The following TSPAN9 variants were observed in gnomAD, a reference collection of about 807,000 sequenced individuals.
The protein encoded by TSPAN9 is tetraspanin 9.
Under a neutral mutation model 31.0 loss-of-function variants are expected in TSPAN9, and 16 were observed. The ratio of observed to expected loss-of-function variants is 0.52; its 90% CI spans 0.35 to 0.78. TSPAN9 has a LOEUF of 0.78. TSPAN9 is among the 30% of genes least tolerant of loss of function. TSPAN9 has a pLI of 0.01. For missense variants in TSPAN9, 272 were observed against 312.5 expected, an observed-to-expected ratio of 0.87 and a Z score of 0.98; for synonymous variants, 145 against 121.6, an observed-to-expected ratio of 1.19 and a Z score of -1.27.
chr12:3,236,798 A>G (rs2098394003), intron 3 of TSPAN9, among the ~76,000 whole-genome samples: 1 of 152,092 alleles, frequency 6.6e-6, no homozygotes, highest in South Asian at 2.1e-4. Flanking sequence ...GAGGGTGGGT[A>G]GTGACGTACA....
intron 3 of TSPAN9, among the ~76,000 whole-genome samples, chr12:3,244,039 C>T (rs539001594): frequency 6.2e-4 from 95 of 152,332 alleles, no homozygotes; most frequent in Middle Eastern, 6.8e-3. Flanking sequence ...TCAGCTTGCC[C>T]GTTGGGACTG....
chr12:3,216,181 G>C (rs535585057), intron 3 of TSPAN9, among the ~76,000 whole-genome samples: 37 of 152,310 alleles, frequency 2.4e-4, no homozygotes, highest in African/African-American at 8.7e-4. Context: ...GAGCTGGGGA[G>C]TCTGTGCTGT....
intron 2 of TSPAN9, among the ~76,000 whole-genome samples, chr12:3,188,052 G>T (rs1322432474): frequency 6.6e-6 from 1 of 152,132 alleles, no homozygotes; most frequent in African/African-American, 2.4e-5. Context: ...ATCAGCATAG[G>T]TGTCTCGCTT....
In TSPAN9 at chr12:3,179,891, C is replaced by T. The variant is rs1176169545; in HGVS notation, c.-17-21286C>T. On this transcript the variant is annotated intron_variant, in intron 2 of 8. Transcript: ENST00000011898. ...ACAAGACGTGCACCGTCTCTTCTCA[C>T]GGTACACGTAACGTTTTGGCACATC... Among the ~76,000 whole-genome samples the T allele has an allele frequency of 3.9e-5, 6 of 152,178 alleles. No individual in the cohort carries two copies. The South Asian group carries it at 6.2e-4, about 16-fold the overall frequency.
At chr12:3,190,523 T>G (rs1299153844) in intron 2 of TSPAN9, among the ~76,000 whole-genome samples, 2 of 152,188 alleles carry the variant, frequency 1.3e-5, no homozygotes, top group Non-Finnish European at 2.9e-5. Flanking sequence ...TCCAGGCCCT[T>G]TTGAGGATCT....
intron 3 of TSPAN9, among the ~76,000 whole-genome samples, chr12:3,251,690 C>A (rs1027475448): frequency 6.6e-6 from 1 of 152,170 alleles, no homozygotes; most frequent in African/African-American, 2.4e-5. Context: ...ACACACAGGA[C>A]GGTGGGTTCC....
At chr12:3,095,445 G>T (rs1218293737) in intron 2 of TSPAN9, among the ~76,000 whole-genome samples, 1 of 146,268 alleles carries the variant, frequency 6.8e-6, no homozygotes, top group African/African-American at 2.6e-5. Flanking sequence ...CAGTAGGGGC[G>T]GCCGGGCAGA....
At chr12:3,251,828 G>A (rs1207719291) in intron 3 of TSPAN9, among the ~76,000 whole-genome samples, 1 of 152,166 alleles carries the variant, frequency 6.6e-6, no homozygotes, top group Non-Finnish European at 1.5e-5. Flanking sequence ...TGCTGGAAAG[G>A]GGACCCGGCT....
intron 3 of TSPAN9, among the ~76,000 whole-genome samples, chr12:3,268,160 ATTCCTGCAGCCTACCCTCCGTGCG>A (rs1862573351): frequency 3.8e-5 from 5 of 130,194 alleles, no homozygotes; most frequent in East Asian, 5.1e-4. Context: ...CCCTCCGTGC[ATTCCTGCAGCCTACCCTCCGTGCG>A]TTCCTGCAGC....
chr12:3,095,740 C>T (rs1163868914), intron 2 of TSPAN9, among the ~76,000 whole-genome samples: 4 of 150,280 alleles, frequency 2.7e-5, no homozygotes, highest in Non-Finnish European at 4.4e-5. Flanking sequence ...AGACGATGGG[C>T]GGCCGGGCAG....
rs1029252499 is a variant in TSPAN9 at position 3,147,045 on chromosome 12, C to T, written c.-17-54132C>T. ...AAATGGGTAGATGTAAGTGAAAGTT[C>T]ATTGTTGGTACCTTGATTTTAAGGT... On this transcript the variant is annotated intron_variant, in intron 2 of 8. Transcript: ENST00000011898. This position sits in a 1 kb window ranked among gnomAD's most constrained non-coding sequence, Gnocchi z 4.3. Among the ~76,000 whole-genome samples, 1 of 152,092 alleles carries T rather than the reference C, an allele frequency of 6.6e-6. No homozygotes were observed. The highest frequency in any genetic ancestry group is 1.5e-5 in the Non-Finnish European group (1 of 68,026).
intron 2 of TSPAN9, among the ~76,000 whole-genome samples, chr12:3,171,179 A>G (rs992622851): frequency 3.3e-5 from 5 of 151,410 alleles, no homozygotes; most frequent in African/African-American, 1.2e-4. Flanking sequence ...GCCCAGTCCT[A>G]TCTTCCTTAT....
chr12:3,215,531 T>C (rs2098380943), intron 3 of TSPAN9, among the ~76,000 whole-genome samples: 2 of 152,198 alleles, frequency 1.3e-5, no homozygotes, highest in Non-Finnish European at 2.9e-5. Flanking sequence ...GTTCTCTGTA[T>C]CTATTTCCAT....
chr12:3,218,361 C>G (rs979631041), intron 3 of TSPAN9, among the ~76,000 whole-genome samples: 2 of 152,184 alleles, frequency 1.3e-5, no homozygotes, highest in South Asian at 2.1e-4. Flanking sequence ...TTAGGATGCT[C>G]CCTTGAGACT....
At chr12:3,126,614 G>A (rs2098327485) in intron 2 of TSPAN9, among the ~76,000 whole-genome samples, 1 of 152,158 alleles carries the variant, frequency 6.6e-6, no homozygotes, top group Admixed American at 6.5e-5. Context: ...TAATTTATAA[G>A]GACAGAGATT....
At chr12:3,179,149 T>C (rs1021554822) in intron 2 of TSPAN9, among the ~76,000 whole-genome samples, 1 of 152,140 alleles carries the variant, frequency 6.6e-6, no homozygotes, top group African/African-American at 2.4e-5. Flanking sequence ...AGAGGGCTCA[T>C]TGTTTGTGGC....
At chr12:3,238,422 T>C (rs976741274) in intron 3 of TSPAN9, among the ~76,000 whole-genome samples, 4 of 152,184 alleles carry the variant, frequency 2.6e-5, no homozygotes, top group Admixed American at 2.6e-4. Flanking sequence ...TGCTGAATTG[T>C]GGTTTGTGGC....
chr12:3,218,023 G>A (rs2098382254), intron 3 of TSPAN9, among the ~76,000 whole-genome samples: 1 of 152,098 alleles, frequency 6.6e-6, no homozygotes, highest in South Asian at 2.1e-4. Flanking sequence ...GGGTGTGTTG[G>A]GGCCAGCTGA....
chr12:3,080,632 G>A (rs1000116956), intron 1 of TSPAN9, among the ~76,000 whole-genome samples: 3 of 152,146 alleles, frequency 2.0e-5, no homozygotes, highest in Admixed American at 6.6e-5. Flanking sequence ...CACCGCGCCT[G>A]GCAAATGTAA....
Sources: gnomAD v4.1 joint callset for allele counts (sites outside exome capture counted in the v4.1 genomes callset) on GRCh38, gnomAD v4.1.1 for gene constraint, Gnocchi (gnomAD v3.1) non-coding constraint, MANE v1.5 for transcripts, NCBI Gene and HGNC (gene_info 2026-07-23, HGNC 2026-07-21) for gene names.